SPPL2A: variants seen among roughly 807,000 people sequenced by gnomAD.
SPPL2A encodes signal peptide peptidase like 2A.
Under a neutral mutation model 63.8 loss-of-function variants are expected in SPPL2A, and 51 were observed. That is an observed-to-expected ratio of 0.80 (90% CI 0.64 to 1.01). The LOEUF is 1.01. Among genes scored for constraint, SPPL2A ranks in the 50% least tolerant of loss-of-function variants. The probability of loss-of-function intolerance (pLI) is 0.00; values close to 1 mark genes in which losing one functional copy is unlikely to be tolerated. For missense variants in SPPL2A, 553 were observed against 622.7 expected (o/e 0.89, Z 1.19); for synonymous variants, 188 against 205.8 (o/e 0.91, Z 0.74).
At chr15:50,722,538 C>T (rs2062656821) in intron 12 of SPPL2A, among the ~76,000 whole-genome samples, 1 of 152,012 alleles carries the variant, frequency 6.6e-6, no homozygotes. Context: ...TTCACTGCAA[C>T]CTCTGCCTCC....
At chr15:50,712,529 A>G (rs1449849606) in intron 14 of SPPL2A, among the ~76,000 whole-genome samples, 1 of 152,000 alleles carries the variant, frequency 6.6e-6, no homozygotes, top group Admixed American at 6.6e-5. Context: ...AGGCATGTAA[A>G]AGCTCCCCAT....
intron 1 of SPPL2A, among the ~76,000 whole-genome samples, chr15:50,756,419 G>A (rs528513061): frequency 6.7e-6 from 1 of 150,218 alleles, no homozygotes; most frequent in East Asian, 2.0e-4. Flanking sequence ...CAAATTAGGT[G>A]ATCCACTCAT....
In SPPL2A at chr15:50,703,367, T is replaced by A. The variant is rs1419900531; in HGVS notation, c.*4433A>T. On this transcript the variant is annotated 3_prime_UTR_variant, in exon 15 of 15. Transcript: ENST00000261854. ...ATATACATATATATATTTTTTTTTTTTTTTTTTTTTTTTGAGATGGAGTCT... is the reference window on the plus strand; with the variant it reads ...ATATACATATATATATTTTTTTTTTATTTTTTTTTTTTTGAGATGGAGTCT... The A allele has an allele frequency of 8.6e-6, 1 of 116,884 alleles. No homozygotes were observed. Among genetic ancestry groups the A allele is most frequent in the Non-Finnish European group, 1.7e-5 (1 of 57,548 alleles). 7.2% of individuals were successfully genotyped at this position (116,884 alleles called of 1,614,324 possible). A position where few individuals can be genotyped will look rare whatever the true frequency, so the allele number is the denominator to read the frequency against.
intron 14 of SPPL2A, among the ~76,000 whole-genome samples, chr15:50,718,261 G>A (rs2062615189): frequency 6.6e-6 from 1 of 152,076 alleles, no homozygotes; most frequent in East Asian, 1.9e-4. Context: ...ACAGGCATGA[G>A]CCACCGCGAC....
intron 5 of SPPL2A, among the ~76,000 whole-genome samples, chr15:50,741,112 A>G (rs2062816590): frequency 6.6e-6 from 1 of 152,138 alleles, no homozygotes; most frequent in Non-Finnish European, 1.5e-5. Context: ...GTCGAGGAGG[A>G]AAAGAACTGC....
intron 11 of SPPL2A, 71 bp from the exon 12 acceptor site, chr15:50,725,394 T>C: frequency 1.2e-6 from 1 of 808,026 alleles, no homozygotes; most frequent in South Asian, 1.5e-5. Flanking sequence ...ATGAACTTCT[T>C]GGCAATCTTT....
intron 14 of SPPL2A, among the ~76,000 whole-genome samples, chr15:50,711,691 T>C (rs1337015286): frequency 6.6e-6 from 1 of 152,184 alleles, no homozygotes; most frequent in Non-Finnish European, 1.5e-5. Context: ...CAGGGGTACC[T>C]GGACATTTAA....
intron 6 of SPPL2A, among the ~76,000 whole-genome samples, chr15:50,737,038 T>C (rs1038067535): frequency 2.6e-5 from 4 of 152,024 alleles, no homozygotes; most frequent in African/African-American, 7.2e-5. Context: ...CTTAGCCTCC[T>C]GAATAGCTGG....
At chr15:50,751,786 T>C (rs1244527316) in intron 1 of SPPL2A, among the ~76,000 whole-genome samples, 1 of 152,208 alleles carries the variant, frequency 6.6e-6, no homozygotes. Flanking sequence ...ATATTGTCAT[T>C]CCTTCTACCC....
intron 5 of SPPL2A, among the ~76,000 whole-genome samples, chr15:50,745,446 G>A (rs918335904): frequency 3.3e-5 from 5 of 152,120 alleles, no homozygotes; most frequent in African/African-American, 7.2e-5. Flanking sequence ...CACCACATCC[G>A]GCTGAGACGG....
At chr15:50,732,229 C>G (rs139539143) in intron 9 of SPPL2A, among the ~76,000 whole-genome samples, 77 of 152,058 alleles carry the variant, frequency 5.1e-4, no homozygotes, top group African/African-American at 1.8e-3. Flanking sequence ...GGGGACAAAA[C>G]ACATTAGTCG....
chr15:50,716,255 C>T (rs1413196804), intron 14 of SPPL2A, among the ~76,000 whole-genome samples: 3 of 152,056 alleles, frequency 2.0e-5, no homozygotes, highest in East Asian at 1.9e-4. Flanking sequence ...AGTGCAATGG[C>T]GCAATCTCAG....
intron 14 of SPPL2A, among the ~76,000 whole-genome samples, chr15:50,714,817 C>A (rs950201689): frequency 1.3e-5 from 2 of 151,084 alleles, no homozygotes; most frequent in African/African-American, 2.4e-5. Context: ...GTGGTGCATG[C>A]CTATAATCCC....
At chr15:50,765,225 GA>G (rs1567171232) in intron 1 of SPPL2A, among the ~76,000 whole-genome samples, 1 of 151,688 alleles carries the variant, frequency 6.6e-6, no homozygotes, top group African/African-American at 2.4e-5. Flanking sequence ...TATTTCGCCA[GA>G]CTTCAATGGG....
chr15:50,744,520 GAAT>G, intron 5 of SPPL2A, among the ~76,000 whole-genome samples: 1 of 152,222 alleles, frequency 6.6e-6, no homozygotes, highest in East Asian at 1.9e-4. Context: ...TGAGAGTTAT[GAAT>G]ATACACTGAC....
chr15:50,746,642 A>G (rs1421856578), intron 5 of SPPL2A: 1 of 149,172 alleles, frequency 6.7e-6, no homozygotes, highest in Non-Finnish European at 1.5e-5. Flanking sequence ...TATGTTTTTC[A>G]AAGTTTTATA....
At chr15:50,765,395 G>A (rs887163980) in intron 1 of SPPL2A, 73 bp downstream of exon 1, 6 of 1,242,640 alleles carry the variant, frequency 4.8e-6, no homozygotes, top group Non-Finnish European at 4.3e-6. Flanking sequence ...GAGGAGTAGG[G>A]GAAGGGAGCC....
intron 6 of SPPL2A, among the ~76,000 whole-genome samples, chr15:50,738,705 T>C (rs1033135367): frequency 6.6e-6 from 1 of 152,092 alleles, no homozygotes; most frequent in African/African-American, 2.4e-5. Context: ...TTTACCCTGG[T>C]CTCCCTTCTC....
chr15:50,762,934 G>T (rs1238461418), intron 1 of SPPL2A, among the ~76,000 whole-genome samples: 1 of 149,234 alleles, frequency 6.7e-6, no homozygotes, highest in African/African-American at 2.5e-5. Context: ...TAGTAGAGAC[G>T]GGGTTTCACC....
Sources: gnomAD v4.1 joint callset for allele counts (sites outside exome capture counted in the v4.1 genomes callset) on GRCh38, gnomAD v4.1.1 for gene constraint, MANE v1.5 for transcripts, NCBI Gene and HGNC (gene_info 2026-07-23, HGNC 2026-07-21) for gene names.